FBXL2: variants seen among roughly 807,000 people sequenced by gnomAD.
The protein encoded by FBXL2 is F-box/LRR-repeat protein 2.
A neutral mutation model predicts 69.2 loss-of-function variants in FBXL2; 38 were observed. That is an observed-to-expected ratio of 0.55 (90% CI 0.42 to 0.72). The LOEUF (loss-of-function observed/expected upper bound fraction) is 0.72. Ranked by LOEUF, FBXL2 falls within the 30% of genes least tolerant of loss-of-function variation. FBXL2 has a pLI of 0.00. For missense variants in FBXL2, 354 were observed against 520.3 expected (o/e 0.68, Z 3.11); for synonymous variants, 192 against 201.3 (o/e 0.95, Z 0.39).
chr3:33,365,865 A>G (rs2041923081), intron 5 of FBXL2, among the ~76,000 whole-genome samples: 1 of 152,188 alleles, frequency 6.6e-6, no homozygotes. Flanking sequence ...AAATTAGGAT[A>G]TACCCCCCAT....
chr3:33,405,059 AC>A (rs1415762836), downstream of FBXL2, among the ~76,000 whole-genome samples: 22 of 152,338 alleles, frequency 1.4e-4, no homozygotes, highest in Admixed American at 9.2e-4. Flanking sequence ...GGCTATGGTC[AC>A]AGCAAATTTT....
At chr3:33,395,587 TAC>T in intron 12 of FBXL2, among the ~76,000 whole-genome samples, 1 of 151,678 alleles carries the variant, frequency 6.6e-6, no homozygotes, top group East Asian at 1.9e-4. Context: ...TAGTATTATT[TAC>T]AGTGACATAA....
chr3:33,292,945 A>G (rs940521372), intron 1 of FBXL2, among the ~76,000 whole-genome samples: 2 of 152,250 alleles, frequency 1.3e-5, no homozygotes, highest in African/African-American at 4.8e-5. Context: ...AACCATAACA[A>G]TTATAAGCAC....
At chr3:33,408,917 TA>T in the FBXL2 span, 129 of 1,022,798 alleles carry the variant, frequency 1.3e-4, no homozygotes, top group Middle Eastern at 2.2e-4. Context: ...GATTCAAAGT[TA>T]AAAAAAATGC....
At chr3:33,279,810 C>G (rs1171548545) in intron 1 of FBXL2, among the ~76,000 whole-genome samples, 2 of 152,076 alleles carry the variant, frequency 1.3e-5, no homozygotes, top group Non-Finnish European at 2.9e-5. Flanking sequence ...TAAATGATCA[C>G]AACAACCTTG....
downstream of FBXL2, chr3:33,391,276 C>G (rs1022966791): frequency 6.6e-6 from 1 of 152,194 alleles, no homozygotes; most frequent in Non-Finnish European, 1.5e-5. Context: ...TGTGCTAAGA[C>G]CGGATTTGGA....
At chr3:33,330,691 C>A (rs1201664467) in intron 2 of FBXL2, among the ~76,000 whole-genome samples, 1 of 152,118 alleles carries the variant, frequency 6.6e-6, no homozygotes, top group Admixed American at 6.6e-5. Flanking sequence ...AGTTTGAGAC[C>A]AGCCTGGCCA....
intron 2 of FBXL2, among the ~76,000 whole-genome samples, chr3:33,314,908 G>A (rs1430703982): frequency 6.6e-6 from 1 of 152,116 alleles, no homozygotes; most frequent in African/African-American, 2.4e-5. Flanking sequence ...AAAAATGTCT[G>A]CCAAGTACCC....
chr3:33,383,835 G>A (rs1374602369), intron 13 of FBXL2, 154 bp from the exon 14 acceptor site: 1 of 635,776 alleles, frequency 1.6e-6, no homozygotes, highest in Admixed American at 2.6e-5. Context: ...TAGTTCTGAA[G>A]GCTGGGAAGT....
At chr3:33,332,699 G>T (rs1180493865) in intron 2 of FBXL2, among the ~76,000 whole-genome samples, 1 of 152,178 alleles carries the variant, frequency 6.6e-6, no homozygotes, top group Non-Finnish European at 1.5e-5. Context: ...CTATATGGTA[G>T]CCTATTGCTC....
At chr3:33,309,093 T>G (rs930233542) in intron 2 of FBXL2, among the ~76,000 whole-genome samples, 2 of 152,190 alleles carry the variant, frequency 1.3e-5, no homozygotes, top group South Asian at 4.1e-4. Flanking sequence ...TAGGTCCTCT[T>G]GATCTCAAGT....
intron 1 of FBXL2, among the ~76,000 whole-genome samples, chr3:33,282,229 T>C (rs1460118680): frequency 6.6e-6 from 1 of 152,192 alleles, no homozygotes; most frequent in African/African-American, 2.4e-5. Flanking sequence ...TTGTATAAGG[T>C]ATAAGGAAGG....
chr3:33,411,471 C>T, the FBXL2 span: 2 of 930,052 alleles, frequency 2.2e-6, no homozygotes, highest in African/African-American at 1.7e-5. Flanking sequence ...GACACTACAA[C>T]ATAGTTTATA....
At chr3:33,410,116 A>G in the FBXL2 span, among the ~76,000 whole-genome samples, 433 of 152,262 alleles carry the variant, frequency 2.8e-3, 2 homozygotes, top group Middle Eastern at 0.027. Context: ...CAGAAAACCC[A>G]CTACCCATCC....
chr3:33,302,420 A>T (rs1428676142), intron 2 of FBXL2, among the ~76,000 whole-genome samples: 2 of 152,214 alleles, frequency 1.3e-5, no homozygotes, highest in African/African-American at 4.8e-5. Context: ...AGAAAAAAAA[A>T]TGTCTTCTGT....
At chr3:33,376,174 A>C (rs1214692626) in intron 10 of FBXL2, among the ~76,000 whole-genome samples, 1 of 152,104 alleles carries the variant, frequency 6.6e-6, no homozygotes, top group Non-Finnish European at 1.5e-5. Flanking sequence ...AAAACAAAAA[A>C]AACAATAATT....
Position 33,374,774 on chromosome 3 carries a change from A to C in FBXL2, c.658-514A>C, listed in dbSNP as rs148871058. Among the ~76,000 whole-genome samples, 3 of 147,444 alleles carry C rather than the reference A, an allele frequency of 2.0e-5. No homozygotes were observed. The East Asian group carries it at 6.3e-4, about 31-fold the overall frequency. ...TTCATGGCCAAATTCATAGAATTTA[A>C]GGTATTTATCAATAATTTTGTGATT... On this transcript the variant is annotated intron_variant, in intron 9 of 14. Transcript: ENST00000484457.
intron 2 of FBXL2, among the ~76,000 whole-genome samples, chr3:33,335,058 G>A (rs995247637): frequency 2.0e-5 from 3 of 151,900 alleles, no homozygotes; most frequent in Non-Finnish European, 2.9e-5. Flanking sequence ...CTGAGATCAC[G>A]CCACTGCACT....
intron 1 of FBXL2, among the ~76,000 whole-genome samples, chr3:33,279,024 C>T (rs932642005): frequency 4.6e-5 from 7 of 152,198 alleles, no homozygotes; most frequent in Non-Finnish European, 2.9e-5. Context: ...AGCCCACCCT[C>T]ATTCACTATT....
Sources: gnomAD v4.1 joint callset for allele counts (sites outside exome capture counted in the v4.1 genomes callset) on GRCh38, gnomAD v4.1.1 for gene constraint, MANE v1.5 for transcripts, NCBI Gene and HGNC (gene_info 2026-07-23, HGNC 2026-07-21) for gene names.